TPTE: variants seen among roughly 807,000 people sequenced by gnomAD.
TPTE encodes putative tyrosine-protein phosphatase TPTE.
A neutral mutation model predicts 84.1 loss-of-function variants in TPTE; 59 were observed. The ratio of observed to expected loss-of-function variants is 0.70; its 90% confidence interval spans 0.57 to 0.87. The LOEUF (loss-of-function observed/expected upper bound fraction) is 0.87. Among genes scored for constraint, TPTE ranks in the 40% least tolerant of loss-of-function variants. The probability of loss-of-function intolerance (pLI) is 0.00; values close to 1 mark genes in which losing one functional copy is unlikely to be tolerated. For synonymous variants in TPTE, 130 were observed against 223.5 expected (o/e 0.58, Z 3.73); for missense variants, 382 against 659.6 (o/e 0.58, Z 4.61).
chr21:10,560,210 T>G (rs1408275190), intron 9 of TPTE, among the ~76,000 whole-genome samples: 4 of 152,306 alleles, frequency 2.6e-5, no homozygotes, highest in Non-Finnish European at 5.9e-5. Context: ...TAGTAAAGTG[T>G]TTTATTAGTA....
At chr21:10,546,022 T>A (rs1392948174) in intron 7 of TPTE, among the ~76,000 whole-genome samples, 2 of 152,304 alleles carry the variant, frequency 1.3e-5, no homozygotes, top group African/African-American at 2.4e-5. Context: ...TATGCAGGTA[T>A]ATCTTGTTTT....
At chr21:10,531,098 CAA>C (rs2074170592) in intron 3 of TPTE, among the ~76,000 whole-genome samples, 1 of 152,304 alleles carries the variant, frequency 6.6e-6, no homozygotes, top group African/African-American at 2.4e-5. Flanking sequence ...GTTTAATTTT[CAA>C]AGTGATTATG....
At chr21:10,550,365 G>A (rs1479144491) in intron 7 of TPTE, among the ~76,000 whole-genome samples, 1 of 152,310 alleles carries the variant, frequency 6.6e-6, no homozygotes, top group Non-Finnish European at 1.5e-5. Context: ...GAAACACATA[G>A]ACTGATAATA....
intron 3 of TPTE, among the ~76,000 whole-genome samples, chr21:10,532,299 T>C (rs1184485205): frequency 6.6e-6 from 1 of 152,308 alleles, no homozygotes; most frequent in African/African-American, 2.4e-5. Flanking sequence ...TCACATTTAT[T>C]AGCATATAAT....
chr21:10,558,613 C>T (rs2074730548), intron 8 of TPTE, among the ~76,000 whole-genome samples: 1 of 152,306 alleles, frequency 6.6e-6, no homozygotes, highest in Non-Finnish European at 1.5e-5. Context: ...TCAGTATCTG[C>T]CCTCTTTGTT....
intron 10 of TPTE, among the ~76,000 whole-genome samples, chr21:10,565,861 A>G (rs550875770): frequency 6.6e-6 from 1 of 152,430 alleles, no homozygotes; most frequent in Admixed American, 6.5e-5. Flanking sequence ...TCAAATCAAC[A>G]TGAATTAAAG....
chr21:10,589,535 T>C (rs2075426489), intron 17 of TPTE, among the ~76,000 whole-genome samples: 1 of 152,306 alleles, frequency 6.6e-6, no homozygotes, highest in South Asian at 2.1e-4. Flanking sequence ...ATTCCCCCAG[T>C]GTTGTCCTGC....
chr21:10,584,337 CTTTT>C (rs58211728), intron 17 of TPTE, among the ~76,000 whole-genome samples: 2,868 of 142,718 alleles, frequency 0.02, no homozygotes, highest in African/African-American at 0.06. Context: ...CCTAAACTCA[CTTTT>C]TTTTTTTTTT....
chr21:10,576,118 A>C (rs1164248150), intron 14 of TPTE, among the ~76,000 whole-genome samples: 2 of 152,424 alleles, frequency 1.3e-5, no homozygotes, highest in Non-Finnish European at 2.9e-5. Flanking sequence ...ATAAAAATAC[A>C]TGCATGCACA....
chr21:10,543,301 C>T, intron 6 of TPTE, 28 bp from the exon 7 acceptor site: 2 of 1,611,926 alleles, frequency 1.2e-6, no homozygotes, highest in Non-Finnish European at 1.7e-6. Flanking sequence ...CAAAGTGCTG[C>T]TGACTGTATT....
At chr21:10,596,512 C>A (rs957328149) in intron 20 of TPTE, among the ~76,000 whole-genome samples, 1 of 152,194 alleles carries the variant, frequency 6.6e-6, no homozygotes, top group African/African-American at 2.4e-5. Flanking sequence ...ATTTTCTCAC[C>A]TTCTTTTAGA....
intron 7 of TPTE, among the ~76,000 whole-genome samples, chr21:10,550,533 A>C (rs2074553382): frequency 6.6e-6 from 1 of 152,304 alleles, no homozygotes; most frequent in Non-Finnish European, 1.5e-5. Context: ...CAAGAAATAT[A>C]ATTGTAATAT....
intron 4 of TPTE, among the ~76,000 whole-genome samples, chr21:10,539,634 T>A (rs1413819555): frequency 1.3e-5 from 2 of 152,308 alleles, no homozygotes; most frequent in Non-Finnish European, 2.9e-5. Flanking sequence ...TAAAGTATGA[T>A]GTGTAGGGTA....
intron 19 of TPTE, among the ~76,000 whole-genome samples, chr21:10,593,595 A>C (rs575070425): frequency 1.3e-5 from 2 of 152,312 alleles, no homozygotes; most frequent in Non-Finnish European, 2.9e-5. Context: ...TCTATTCACT[A>C]TCTCATTTAA....
chr21:10,533,289 CTTTTA>C (rs1305672345), intron 3 of TPTE, among the ~76,000 whole-genome samples: 10 of 152,304 alleles, frequency 6.6e-5, no homozygotes, highest in Non-Finnish European at 1.3e-4. Flanking sequence ...AAGGCTTTCT[CTTTTA>C]TTTTTTCTTA....
intron 7 of TPTE, among the ~76,000 whole-genome samples, chr21:10,552,389 C>T (rs1413183082): frequency 6.6e-6 from 1 of 152,276 alleles, no homozygotes; most frequent in Non-Finnish European, 1.5e-5. Context: ...TTTTATATAT[C>T]TTTATATGCA....
chr21:10,556,575 G>T (rs2074688481), intron 8 of TPTE, among the ~76,000 whole-genome samples: 2 of 152,312 alleles, frequency 1.3e-5, no homozygotes, highest in South Asian at 4.1e-4. Flanking sequence ...GGATGGCTGG[G>T]TCAAATGGTG....
chr21:10,536,816 A>G (rs1167265642), intron 3 of TPTE, among the ~76,000 whole-genome samples: 1 of 152,310 alleles, frequency 6.6e-6, no homozygotes. Context: ...TAGCAGGCAC[A>G]TACTTAGGAA....
intron 10 of TPTE, among the ~76,000 whole-genome samples, chr21:10,563,362 A>G (rs1200862155): frequency 6.6e-6 from 1 of 152,310 alleles, no homozygotes; most frequent in Non-Finnish European, 1.5e-5. Flanking sequence ...GCAGAATGTC[A>G]TAACACTGTA....
Sources: gnomAD v4.1 joint callset for allele counts (sites outside exome capture counted in the v4.1 genomes callset) on GRCh38, gnomAD v4.1.1 for gene constraint, MANE v1.5 for transcripts, NCBI Gene and HGNC (gene_info 2026-07-23, HGNC 2026-07-21) for gene names.